Variants in RAPGEF2 observed in about 807,000 individuals in gnomAD.
RAPGEF2 encodes the protein Rap guanine nucleotide exchange factor 2.
Under a neutral mutation model 186.7 loss-of-function variants are expected in RAPGEF2, and 54 were observed. The observed-to-expected ratio is 0.29, with a 90% CI of 0.23 to 0.36. The LOEUF is 0.36. Ranked by LOEUF, RAPGEF2 falls within the 10% of genes least tolerant of loss-of-function variation. RAPGEF2 has a pLI of 1.00. For missense variants in RAPGEF2, 1,532 were observed against 2,045.0 expected (o/e 0.75, Z 4.84); for synonymous variants, 712 against 705.9 (o/e 1.01, Z -0.14).
chr4:159,300,725 C>T (rs760535756), intron 7 of RAPGEF2, among the ~76,000 whole-genome samples: 4 of 152,040 alleles, frequency 2.6e-5, no homozygotes, highest in Non-Finnish European at 2.9e-5. Flanking sequence ...AATTAAATAG[C>T]GTACTATACA....
At chr4:159,196,647 T>G (rs570666602) in intron 3 of RAPGEF2, among the ~76,000 whole-genome samples, 2 of 152,268 alleles carry the variant, frequency 1.3e-5, no homozygotes, top group South Asian at 4.1e-4. Context: ...CTGTACAGAG[T>G]GTTTAGAGCA....
intron 7 of RAPGEF2, among the ~76,000 whole-genome samples, chr4:159,303,248 A>G (rs1273885496): frequency 6.6e-6 from 1 of 152,118 alleles, no homozygotes; most frequent in Non-Finnish European, 1.5e-5. Context: ...ACTCTAAACT[A>G]TGCAGTAACA....
At chr4:159,315,932 AATG>A (rs1032308947) in intron 9 of RAPGEF2, among the ~76,000 whole-genome samples, 4 of 152,130 alleles carry the variant, frequency 2.6e-5, no homozygotes, top group Non-Finnish European at 4.4e-5. Flanking sequence ...GAGCCTGACT[AATG>A]TCAGGCCCTC....
intron 4 of RAPGEF2, among the ~76,000 whole-genome samples, chr4:159,214,622 C>T (rs1198881373): frequency 6.6e-6 from 1 of 152,120 alleles, no homozygotes; most frequent in African/African-American, 2.4e-5. Context: ...AATAAAGTCA[C>T]AATATGATAA....
chr4:159,354,141 C>T, intron 28 of RAPGEF2, 95 bp downstream of exon 28: 1 of 1,294,598 alleles, frequency 7.7e-7, no homozygotes, highest in Non-Finnish European at 1.0e-6. Context: ...TGGTTCTTTT[C>T]CTCATTTTCT....
chr4:159,357,346 G>C (rs959261181), intron 29 of RAPGEF2, among the ~76,000 whole-genome samples: 4 of 152,212 alleles, frequency 2.6e-5, no homozygotes, highest in Non-Finnish European at 4.4e-5. Flanking sequence ...AGGTAGCAGA[G>C]CAAGACCCGG....
rs771809655 is a variant in RAPGEF2 at position 159,339,243 on chromosome 4, C to T, written c.2423C>T (p.Pro808Leu). 4.6e-5 allele frequency: 75 copies of T among 1,613,936 alleles called. No homozygotes were observed. Among genetic ancestry groups the T allele is most frequent in the Non-Finnish European group, 6.0e-5 (71 of 1,180,000 alleles). ...AGGGAGTTTGCTGTTACTGCCACCC[C>T]GGATCAATATTCACTATGTGAGGTC... Reference protein sequence around the residue: ...AIREFAVTATPDQYSLCEVSV... With the variant: ...AIREFAVTATLDQYSLCEVSV... Residue 808 changes from proline to leucine, a missense_variant, in exon 19 of 30, where the codon CCG becomes CTG. This residue lies in a region of RAPGEF2 where 810 missense variants were observed against 1,210.5 expected (regional missense o/e 0.67). Transcript: ENST00000691494.
At chr4:159,112,710 T>C (rs952767126) in intron 1 of RAPGEF2, among the ~76,000 whole-genome samples, 1 of 152,134 alleles carries the variant, frequency 6.6e-6, no homozygotes, top group African/African-American at 2.4e-5. Flanking sequence ...GTAAACACCA[T>C]AGTAGCAATT....
intron 3 of RAPGEF2, among the ~76,000 whole-genome samples, chr4:159,194,692 T>A (rs1037536066): frequency 2.6e-5 from 4 of 152,142 alleles, no homozygotes; most frequent in African/African-American, 9.7e-5. Context: ...CCTTTTTTTT[T>A]AACAGCTTAT....
chr4:159,252,132 C>T (rs576686161), intron 7 of RAPGEF2, among the ~76,000 whole-genome samples: 3 of 152,272 alleles, frequency 2.0e-5, no homozygotes, highest in African/African-American at 7.2e-5. Context: ...CCACCAATTC[C>T]GGAGACACAA....
chr4:159,118,869 G>A (rs1159934427), intron 1 of RAPGEF2, among the ~76,000 whole-genome samples: 3 of 152,184 alleles, frequency 2.0e-5, no homozygotes, highest in Admixed American at 2.0e-4. Flanking sequence ...ACAGGCATGA[G>A]CCACCGCGCC....
At chr4:159,229,982 G>T (rs753900823) in intron 4 of RAPGEF2, among the ~76,000 whole-genome samples, 10 of 152,148 alleles carry the variant, frequency 6.6e-5, no homozygotes, top group African/African-American at 9.7e-5. Flanking sequence ...TTGTCATCTT[G>T]TGGTTGTTTA....
In RAPGEF2 at chr4:159,241,226, A is replaced by G. The variant is rs1753949644; in HGVS notation, c.383A>G (p.Glu128Gly). The G allele has an allele frequency of 2.0e-6, 3 of 1,528,494 alleles. No individual in the cohort carries two copies. Among genetic ancestry groups the G allele is most frequent in the African/African-American group, 1.4e-5 (1 of 72,840 alleles). The allele number at this position is 1,528,494 out of a possible 1,614,324, so 94.7% of individuals were successfully genotyped here. A position where few individuals can be genotyped will look rare whatever the true frequency, so the allele number is the denominator to read the frequency against. ...IVVDYMDENE[E>G]YFQRQASHRQ... ...GTGGACTATATGGATGAAAATGAAGAATATTTTCAGCGGCAAGCTTCCCAT... is the reference window on the plus strand; with the variant it reads ...GTGGACTATATGGATGAAAATGAAGGATATTTTCAGCGGCAAGCTTCCCAT... The change falls in exon 6 of 30, where the codon GAA (glutamate) becomes GGA (glycine). Residue 128 changes from glutamate (E) to glycine (G), a missense_variant. Transcript: ENST00000691494.
At chr4:159,212,923 A>G (rs1166684309) in intron 4 of RAPGEF2, among the ~76,000 whole-genome samples, 1 of 152,204 alleles carries the variant, frequency 6.6e-6, no homozygotes, top group Non-Finnish European at 1.5e-5. Context: ...TGTTCAGAAG[A>G]CTGCTATTCT....
chr4:159,103,852 C>G lies in RAPGEF2; in HGVS notation c.-311C>G. On this transcript the variant is annotated 5_prime_UTR_variant, in exon 1 of 30. Transcript: ENST00000691494. ...GTGTCGAGCCAGGGCCGGAGGAAGC[C>G]GGCGGAGCGGCGAGGAAGAGGAGGA... The G allele has an allele frequency of 6.5e-6, 1 of 152,720 alleles. No individual in the cohort carries two copies. The highest frequency in any genetic ancestry group is 1.4e-5 in the Non-Finnish European group (1 of 69,638). 9.5% of individuals were successfully genotyped at this position (152,720 alleles called of 1,614,324 possible).
At chr4:159,350,966 T>TA in intron 26 of RAPGEF2, 1 of 1,346,566 alleles carries the variant, frequency 7.4e-7, no homozygotes, top group Non-Finnish European at 1.0e-6. Context: ...ACTTGGTAGA[T>TA]ATTTCAGACA....
At chr4:159,190,475 C>T (rs557777822) in intron 2 of RAPGEF2, among the ~76,000 whole-genome samples, 9 of 151,992 alleles carry the variant, frequency 5.9e-5, no homozygotes, top group Non-Finnish European at 1.2e-4. Flanking sequence ...CAGGTGATGG[C>T]GGAAAGATGT....
At chr4:159,182,828 G>GT (rs1223054422) in intron 1 of RAPGEF2, among the ~76,000 whole-genome samples, 2 of 151,948 alleles carry the variant, frequency 1.3e-5, no homozygotes, top group Non-Finnish European at 2.9e-5. Context: ...GCTACAAAAA[G>GT]TTTTTTTTCT....
intron 7 of RAPGEF2, among the ~76,000 whole-genome samples, chr4:159,294,942 C>T (rs1401207813): frequency 6.6e-6 from 1 of 152,198 alleles, no homozygotes; most frequent in Non-Finnish European, 1.5e-5. Context: ...ATCTACCTGC[C>T]TCGGCCTCCC....
Sources: allele counts gnomAD v4.1 joint callset (sites outside exome capture counted in the v4.1 genomes callset), GRCh38; gene constraint gnomAD v4.1.1; regional missense constraint gnomAD v4.1.1; transcripts MANE v1.5; gene names NCBI Gene and HGNC (gene_info 2026-07-23, HGNC 2026-07-21).